The following LCORL variants were observed in gnomAD, a reference collection of about 807,000 sequenced individuals.
The protein encoded by LCORL is ligand-dependent nuclear receptor corepressor-like protein.
LCORL carries 41 observed loss-of-function variants against 141.8 expected under a neutral mutation model. That is an observed-to-expected ratio of 0.29 (90% CI 0.23 to 0.38). The LOEUF is 0.38. Among genes scored for constraint, LCORL ranks in the 10% least tolerant of loss-of-function variants. The pLI is 1.00. For synonymous variants in LCORL, 618 were observed against 694.1 expected (o/e 0.89, Z 1.72); for missense variants, 1,759 against 2,035.0 (o/e 0.86, Z 2.61).
exon 8 of LCORL, chr4:17,845,811 A>G: frequency 6.2e-7 from 1 of 1,613,544 alleles, no homozygotes. Flanking sequence ...CAATGGGACG[A>G]TTAAGGCACA....
At chr4:17,962,939 T>C in intron 3 of LCORL, 31 bp downstream of exon 3, 1 of 1,285,302 alleles carries the variant, frequency 7.8e-7, no homozygotes, top group Non-Finnish European at 1.1e-6. Flanking sequence ...GTGCATTAGT[T>C]TAAAGATAAT....
intron 4 of LCORL, among the ~76,000 whole-genome samples, chr4:17,923,862 C>T (rs1734683663): frequency 6.6e-6 from 1 of 152,084 alleles, no homozygotes; most frequent in South Asian, 2.1e-4. Context: ...AAGGGCAGCA[C>T]TGCGTCTTTC....
chr4:17,941,033 T>C (rs1737858231), intron 4 of LCORL, among the ~76,000 whole-genome samples: 1 of 152,078 alleles, frequency 6.6e-6, no homozygotes, highest in Non-Finnish European at 1.5e-5. Context: ...TAGAAAAGAT[T>C]CAGAGGTTTC....
At chr4:18,000,702 A>C (rs1421723992) in intron 1 of LCORL, among the ~76,000 whole-genome samples, 11 of 152,218 alleles carry the variant, frequency 7.2e-5, no homozygotes, top group Admixed American at 5.9e-4. Context: ...AAGTTTCCCA[A>C]AACAGGAACA....
intron 7 of LCORL, among the ~76,000 whole-genome samples, chr4:17,871,928 G>T (rs1043225066): frequency 2.6e-5 from 4 of 151,722 alleles, no homozygotes; most frequent in Non-Finnish European, 5.9e-5. Flanking sequence ...TCTGAAATAG[G>T]TTTTAAAGTT....
rs74867410 is a variant in LCORL at position 17,971,936 on chromosome 4, T to A, written c.220+884A>T. Among the ~76,000 whole-genome samples the A allele has an allele frequency of 8.2e-3, 1,237 of 151,688 alleles. 14 individuals are homozygous for A. Among genetic ancestry groups the A allele is most frequent in the African/African-American group, 0.028 (1,155 of 41,484 alleles). ...CTTGGATATGATAGTTGAAAAAAAA[T>A]CAAAGCAGGTCACGCCTAATAAGAA... On this transcript the variant is annotated intron_variant, in intron 2 of 7. Coordinates refer to ENST00000635767, the Ensembl canonical transcript of LCORL.
intron 7 of LCORL, among the ~76,000 whole-genome samples, chr4:17,856,008 G>T (rs1240706327): frequency 6.6e-6 from 1 of 152,064 alleles, no homozygotes; most frequent in Admixed American, 6.6e-5. Flanking sequence ...TTTTCCTCAA[G>T]ATAACAGTTT....
intron 6 of LCORL, chr4:17,883,585 C>A: frequency 2.2e-6 from 3 of 1,345,676 alleles, no homozygotes; most frequent in Non-Finnish European, 2.9e-6. Context: ...TGTAAAATTT[C>A]ATGTCTCCTG....
rs1208528116 is a variant in LCORL, at chr4:17,950,809, A to T, written c.430+11094T>A. 2.0e-5 allele frequency among the ~76,000 whole-genome samples: 3 copies of T among 152,256 alleles called. No individual in the cohort carries two copies. The East Asian group carries it at 5.8e-4, about 29-fold the overall frequency. ...GACACCGAATCTTAAAAAAAAAAAA[A>T]TTTAGACCACACAAATAAAATGTTT... is the stretch of plus-strand genomic sequence containing the variant. On this transcript the variant is annotated intron_variant, in intron 4 of 7. Transcript: ENST00000635767.
chr4:17,899,890 A>T lies in LCORL; in HGVS notation c.682+9204T>A, dbSNP rs927025208. On this transcript the variant is annotated intron_variant, in intron 5 of 7. Transcript: ENST00000635767. ...AGACTGCTTGTATAAGGTGTATATG[A>T]AACAAATGAATTTTCTGTTTAGCCT... Among the ~76,000 whole-genome samples the T allele has an allele frequency of 2.0e-5, 3 of 152,272 alleles. No homozygotes were observed. The East Asian group carries it at 5.8e-4, about 29-fold the overall frequency.
chr4:17,939,461 T>C (rs962665930), intron 4 of LCORL, among the ~76,000 whole-genome samples: 1 of 152,294 alleles, frequency 6.6e-6, no homozygotes, highest in African/African-American at 2.4e-5. Context: ...ATTCTACTCA[T>C]AGGTATTTTC....
intron 4 of LCORL, among the ~76,000 whole-genome samples, chr4:17,920,749 A>G (rs1045545308): frequency 2.6e-5 from 4 of 152,254 alleles, no homozygotes; most frequent in Admixed American, 2.0e-4. Flanking sequence ...TGCCAGAAGT[A>G]AATTCCCTCT....
chr4:17,855,263 A>AG (rs140261712), intron 7 of LCORL, among the ~76,000 whole-genome samples: 100 of 152,328 alleles, frequency 6.6e-4, no homozygotes, highest in African/African-American at 2.1e-3. Flanking sequence ...TTCTATAATA[A>AG]GGTATTCAAA....
chr4:17,940,238 C>T (rs1737711001), intron 4 of LCORL, among the ~76,000 whole-genome samples: 1 of 138,410 alleles, frequency 7.2e-6, no homozygotes, highest in Admixed American at 7.6e-5. Flanking sequence ...AATCTAAGGA[C>T]ACTGTCCTTA....
At position 17,967,641 on chromosome 4, in the gene LCORL, T is replaced by C. The variant is rs550210449; in HGVS notation, c.221-4592A>G. ...ACTCAAAGTAATTTTTGGTTAAGTA[T>C]AGTCCATCAAAAAGATGCACTACAA... is the stretch of plus-strand genomic sequence containing the variant. On this transcript the variant is annotated intron_variant, in intron 2 of 7. Coordinates refer to ENST00000635767, the Ensembl canonical transcript of LCORL. Among the ~76,000 whole-genome samples, 19 of 152,322 alleles carry C rather than the reference T, an allele frequency of 1.2e-4. 1 individual carries two copies. Among genetic ancestry groups the C allele is most frequent in the Middle Eastern group, 6.8e-3 (2 of 294 alleles).
chr4:18,015,248 G>A (rs945989436), intron 1 of LCORL, among the ~76,000 whole-genome samples: 8 of 152,108 alleles, frequency 5.3e-5, no homozygotes, highest in Non-Finnish European at 8.8e-5. Flanking sequence ...AGGAAGCAGC[G>A]CACCCATGTA....
At chr4:17,921,556 C>T (rs561672795) in intron 4 of LCORL, among the ~76,000 whole-genome samples, 1 of 152,272 alleles carries the variant, frequency 6.6e-6, no homozygotes, top group African/African-American at 2.4e-5. Context: ...CCTTGTATAT[C>T]TCCATCAGAG....
chr4:17,881,049 G>T (rs751061883), intron 6 of LCORL: 8 of 978,888 alleles, frequency 8.2e-6, no homozygotes, highest in Non-Finnish European at 8.5e-6. Flanking sequence ...TCTCACTAAA[G>T]TTAGTATACA....
chr4:17,875,430 C>T, exon 7 of LCORL: 1 of 1,231,334 alleles, frequency 8.1e-7, no homozygotes, highest in Non-Finnish European at 1.0e-6. Flanking sequence ...TTTGTCTTCA[C>T]TAATATTTCT....
Sources: allele counts gnomAD v4.1 joint callset (sites outside exome capture counted in the v4.1 genomes callset), GRCh38; gene constraint gnomAD v4.1.1; transcripts MANE v1.5; gene names NCBI Gene and HGNC (gene_info 2026-07-23, HGNC 2026-07-21).